The following MRTFA variants were observed in gnomAD, a reference collection of about 807,000 sequenced individuals.
The protein encoded by MRTFA is myocardin-related transcription factor A.
In MRTFA, 20 loss-of-function variants were observed where a neutral mutation model predicts 83.5. That is an observed-to-expected ratio of 0.24 (90% confidence interval 0.17 to 0.35). The LOEUF (loss-of-function observed/expected upper bound fraction) is 0.35, where lower values mean the gene tolerates loss of function less well. Ranked by LOEUF, MRTFA falls within the 10% of genes least tolerant of loss-of-function variation. The pLI is 1.00. For synonymous variants in MRTFA, 659 were observed against 541.2 expected, an observed-to-expected ratio of 1.22 and a Z score of -3.02; for missense variants, 1,200 against 1,224.7, an observed-to-expected ratio of 0.98 and a Z score of 0.30.
chr22:40,635,124 G>T (rs1451509931), intron 1 of MRTFA, among the ~76,000 whole-genome samples: 2 of 152,118 alleles, frequency 1.3e-5, no homozygotes, highest in African/African-American at 4.8e-5. Flanking sequence ...AAGCCCTTTG[G>T]TTCGCTATGA....
At chr22:40,514,993 C>T (rs1913368141) in intron 3 of MRTFA, among the ~76,000 whole-genome samples, 1 of 151,518 alleles carries the variant, frequency 6.6e-6, no homozygotes, top group Non-Finnish European at 1.5e-5. Flanking sequence ...ACTGCAACCT[C>T]CGCCTTCTGG....
intron 3 of MRTFA, among the ~76,000 whole-genome samples, chr22:40,535,712 C>A (rs2055160047): frequency 6.6e-6 from 1 of 152,102 alleles, no homozygotes; most frequent in African/African-American, 2.4e-5. Context: ...CAAGTTTTCA[C>A]AGTTCGGTAT....
At chr22:40,534,429 G>A (rs1044739166) in intron 3 of MRTFA, among the ~76,000 whole-genome samples, 1 of 152,192 alleles carries the variant, frequency 6.6e-6, no homozygotes, top group Non-Finnish European at 1.5e-5. Flanking sequence ...TGAATAGACA[G>A]TATACTGATG....
At chr22:40,535,348 C>CTTTTCTTT (rs2055150251) in intron 3 of MRTFA, among the ~76,000 whole-genome samples, 6 of 107,124 alleles carry the variant, frequency 5.6e-5, no homozygotes, top group East Asian at 3.2e-4. Flanking sequence ...GAGGTTTTTT[C>CTTTTCTTT]TTTTTTTTTT....
chr22:40,459,832 T>TATATAC (rs1555973844), intron 4 of MRTFA, among the ~76,000 whole-genome samples: 56 of 61,542 alleles, frequency 9.1e-4, no homozygotes, highest in Admixed American at 3.4e-3. Flanking sequence ...CATATATACA[T>TATATAC]ATATATATAT....
intron 4 of MRTFA, among the ~76,000 whole-genome samples, chr22:40,459,154 C>T (rs140187044): frequency 0.015 from 2,020 of 135,718 alleles, 37 homozygotes; most frequent in Admixed American, 0.054. Flanking sequence ...GGTGTTGGGG[C>T]GGCAGAGGAT....
chr22:40,486,878 C>A (rs1264925171), intron 3 of MRTFA, among the ~76,000 whole-genome samples: 1 of 152,244 alleles, frequency 6.6e-6, no homozygotes, highest in South Asian at 2.1e-4. Context: ...GGGACTAAGG[C>A]GGGAGGATCA....
In MRTFA at chr22:40,418,727, G is replaced by GGGGGGCGGGGGC. The variant is rs754085988; in HGVS notation, c.1999_2010dup (p.Ala667_Pro670dup). 3.4e-6 allele frequency: 5 copies of GGGGGGCGGGGGC among 1,471,276 alleles called. No homozygotes were observed. In the South Asian group the frequency reaches 5.4e-5, roughly 16 times the overall value. 91.1% of individuals were successfully genotyped at this position (1,471,276 alleles called of 1,614,324 possible). On this transcript the variant is annotated inframe_insertion, in exon 12 of 15. Transcript: ENST00000355630. ...TTCTCCTGCTTCACGGGGGTGCCGA[G>GGGGGGCGGGGGC]GGGGGCGGGGGCGGGGGCGGGCTGC... is the stretch of plus-strand genomic sequence containing the variant.
At chr22:40,612,057 C>A (rs1249419735) in intron 1 of MRTFA, among the ~76,000 whole-genome samples, 1 of 152,126 alleles carries the variant, frequency 6.6e-6, no homozygotes, top group African/African-American at 2.4e-5. Context: ...GTAGTTGAAA[C>A]AGATTCTAAG....
chr22:40,540,508 C>G (rs2055270285), intron 3 of MRTFA, among the ~76,000 whole-genome samples: 1 of 152,054 alleles, frequency 6.6e-6, no homozygotes, highest in African/African-American at 2.4e-5. Context: ...TAATTCTAGC[C>G]AGGCAGCGCG....
At chr22:40,492,393 G>C (rs2054286546) in intron 3 of MRTFA, among the ~76,000 whole-genome samples, 1 of 152,188 alleles carries the variant, frequency 6.6e-6, no homozygotes, top group African/African-American at 2.4e-5. Context: ...ACTGGGCCTA[G>C]ACACAGACAC....
intron 1 of MRTFA, among the ~76,000 whole-genome samples, chr22:40,630,024 C>A (rs2056625034): frequency 6.6e-6 from 1 of 151,756 alleles, no homozygotes. Context: ...TTAAAAGGTA[C>A]AGGACTGGCC....
intron 3 of MRTFA, among the ~76,000 whole-genome samples, chr22:40,503,369 G>A (rs927028829): frequency 6.6e-6 from 1 of 152,176 alleles, no homozygotes; most frequent in Non-Finnish European, 1.5e-5. Flanking sequence ...GCCACTATGC[G>A]CAGCTAACTT....
At chr22:40,417,532 G>T in intron 12 of MRTFA, 39 bp from the exon 13 acceptor site, 1 of 1,186,606 alleles carries the variant, frequency 8.4e-7, no homozygotes. Flanking sequence ...TGGCCAGGGG[G>T]CTGGGGGTGC....
At position 40,419,118 on chromosome 22, in the gene MRTFA, C is replaced by T. The variant is rs1038264973; in HGVS notation, c.1620G>A (p.Gly540=). Residue 540 remains glycine, a synonymous_variant, in exon 12 of 15, where the codon GGG becomes GGA. Transcript: ENST00000355630. ...AGCCCGTGCTGCCAAACTTCACCACCCCACTGCTGGCCACCGTGGCCACCA... is the reference window on the plus strand; with the variant it reads ...AGCCCGTGCTGCCAAACTTCACCACTCCACTGCTGGCCACCGTGGCCACCA... 7 of 1,591,682 alleles carry T rather than the reference C, an allele frequency of 4.4e-6. No homozygotes were observed. Among genetic ancestry groups the T allele is most frequent in the South Asian group, 2.3e-5 (2 of 88,628 alleles).
intron 3 of MRTFA, among the ~76,000 whole-genome samples, chr22:40,547,887 T>A (rs1401484051): frequency 6.7e-6 from 1 of 149,554 alleles, no homozygotes. Flanking sequence ...AGAAATGATG[T>A]CAGAGAGAAT....
intron 1 of MRTFA, among the ~76,000 whole-genome samples, chr22:40,600,746 G>A (rs984027208): frequency 1.1e-4 from 16 of 152,284 alleles, no homozygotes; most frequent in Admixed American, 2.0e-4. Context: ...TTGGGAGGCC[G>A]AGGCAGGCGG....
At chr22:40,468,440 C>G (rs904549911) in intron 3 of MRTFA, among the ~76,000 whole-genome samples, 3 of 152,030 alleles carry the variant, frequency 2.0e-5, no homozygotes, top group African/African-American at 4.8e-5. Context: ...ATGGGAAGAA[C>G]AGGACAGTAA....
intron 3 of MRTFA, among the ~76,000 whole-genome samples, chr22:40,542,029 G>T (rs1438477809): frequency 1.3e-5 from 2 of 151,930 alleles, no homozygotes; most frequent in Admixed American, 6.6e-5. Flanking sequence ...TTAAGACAGG[G>T]TCTCACTCTG....
Sources: gnomAD v4.1 joint callset for allele counts (sites outside exome capture counted in the v4.1 genomes callset) on GRCh38, gnomAD v4.1.1 for gene constraint, MANE v1.5 for transcripts, NCBI Gene and HGNC (gene_info 2026-07-23, HGNC 2026-07-21) for gene names.